The following LAPTM4B variants were observed in gnomAD, a reference collection of about 807,000 sequenced individuals.
LAPTM4B encodes lysosomal-associated transmembrane protein 4B.
A neutral mutation model predicts 28.5 loss-of-function variants in LAPTM4B; 26 were observed. That is an observed-to-expected ratio of 0.91 (90% CI 0.67 to 1.27). LAPTM4B has a LOEUF of 1.27. Ranked by LOEUF, LAPTM4B falls within the 50% of genes most tolerant of loss-of-function variation. The pLI is 0.00. For missense variants in LAPTM4B, 288 were observed against 285.8 expected (o/e 1.01, Z -0.06); for synonymous variants, 109 against 106.4 (o/e 1.02, Z -0.15).
At chr8:97,849,223 G>A (rs528779222) in intron 6 of LAPTM4B, among the ~76,000 whole-genome samples, 1 of 152,296 alleles carries the variant, frequency 6.6e-6, no homozygotes, top group Admixed American at 6.5e-5. Context: ...TGACTCCCTA[G>A]CCTAAATTGG....
At chr8:97,780,147 G>C (rs1484265627) in intron 1 of LAPTM4B, among the ~76,000 whole-genome samples, 1 of 151,874 alleles carries the variant, frequency 6.6e-6, no homozygotes, top group South Asian at 2.1e-4. Flanking sequence ...AGTCCAGGCC[G>C]GGTACGGTGG....
At chr8:97,791,341 C>T (rs1816494001) in intron 1 of LAPTM4B, among the ~76,000 whole-genome samples, 1 of 152,204 alleles carries the variant, frequency 6.6e-6, no homozygotes, top group South Asian at 2.1e-4. Context: ...TTTTCTGCCT[C>T]CACACCCTGT....
chr8:97,840,065 G>A (rs1370357467), intron 6 of LAPTM4B, among the ~76,000 whole-genome samples: 1 of 152,184 alleles, frequency 6.6e-6, no homozygotes, highest in Non-Finnish European at 1.5e-5. Context: ...AAGGAGATGT[G>A]TACAGTAGGT....
rs181716062 is a variant in LAPTM4B, at chr8:97,805,418, T to C, written c.165T>C (p.Phe55=). The C allele has an allele frequency of 4.3e-6, 7 of 1,613,392 alleles. No homozygotes were observed. In the Admixed American group the frequency reaches 1.0e-4, roughly 23 times the overall value. The change falls in exon 2 of 7, where the codon TTT becomes TTC. Residue 55 remains phenylalanine (F), a synonymous_variant. Transcript: ENST00000521545. ...SALADPDQYN[F]SSSELGGDFE... ...TGGCTGATCCGGATCAGTATAACTT[T>C]TCAAGTTCTGAACTGGGAGGTGACT...
At chr8:97,791,501 C>G (rs6991424) in intron 1 of LAPTM4B, among the ~76,000 whole-genome samples, 6 of 151,828 alleles carry the variant, frequency 4.0e-5, no homozygotes, top group Admixed American at 3.3e-4. Context: ...ACACCAGAAC[C>G]GACTGAAGTT....
intron 6 of LAPTM4B, among the ~76,000 whole-genome samples, chr8:97,846,170 C>G (rs576641711): frequency 1.3e-5 from 2 of 151,084 alleles, no homozygotes; most frequent in African/African-American, 4.9e-5. Flanking sequence ...TATCTTTTAA[C>G]GTTTTGTGAT....
intron 2 of LAPTM4B, among the ~76,000 whole-genome samples, chr8:97,808,726 TGG>T (rs1230376645): frequency 6.6e-6 from 1 of 151,612 alleles, no homozygotes; most frequent in Non-Finnish European, 1.5e-5. Context: ...CTGGGGGCGG[TGG>T]TGGGTGGATC....
At chr8:97,850,465 G>GGTGT (rs761478917) in intron 6 of LAPTM4B, among the ~76,000 whole-genome samples, 15 of 37,870 alleles carry the variant, frequency 4.0e-4, no homozygotes, top group East Asian at 2.7e-3. Context: ...GGAGAGGAGG[G>GGTGT]GTGTGTGTGT....
intron 1 of LAPTM4B, among the ~76,000 whole-genome samples, chr8:97,803,441 A>T (rs756635429): frequency 5.3e-5 from 8 of 151,210 alleles, no homozygotes; most frequent in Admixed American, 2.6e-4. Context: ...ACCATGCCCA[A>T]CTAATTTGCA....
At chr8:97,850,457 A>G (rs1817505072) in intron 6 of LAPTM4B, among the ~76,000 whole-genome samples, 1 of 38,744 alleles carries the variant, frequency 2.6e-5, no homozygotes. Flanking sequence ...GTAGAGCTGG[A>G]GAGGAGGGGT....
At chr8:97,842,806 C>T (rs1312043546) in intron 6 of LAPTM4B, among the ~76,000 whole-genome samples, 2 of 152,024 alleles carry the variant, frequency 1.3e-5, no homozygotes, top group African/African-American at 4.8e-5. Context: ...CGTGAGCCAC[C>T]GCGCCTGGCC....
chr8:97,811,156 G>T (rs1447559928), intron 2 of LAPTM4B, among the ~76,000 whole-genome samples: 1 of 152,174 alleles, frequency 6.6e-6, no homozygotes, highest in African/African-American at 2.4e-5. Flanking sequence ...TCAAATCACG[G>T]CTGGGAATGT....
At chr8:97,849,963 C>G (rs1817498249) in intron 6 of LAPTM4B, among the ~76,000 whole-genome samples, 1 of 151,900 alleles carries the variant, frequency 6.6e-6, no homozygotes, top group Non-Finnish European at 1.5e-5. Flanking sequence ...GGAACGGCTT[C>G]CCGCAGGTGA....
At chr8:97,778,702 C>T (rs1348172203) in intron 1 of LAPTM4B, among the ~76,000 whole-genome samples, 1 of 152,100 alleles carries the variant, frequency 6.6e-6, no homozygotes, top group Non-Finnish European at 1.5e-5. Flanking sequence ...ACCATTTGTC[C>T]TTTTAACTTT....
rs1563624254 is a variant in LAPTM4B at position 97,845,906 on chromosome 8, T to TCCCCTCCCCTC, written c.604-5488_604-5487insCTCCCCTCCCC. Among the ~76,000 whole-genome samples the TCCCCTCCCCTC allele has an allele frequency of 3.2e-4, 10 of 31,100 alleles. 2 individuals carry two copies. Among genetic ancestry groups the TCCCCTCCCCTC allele is most frequent in the Non-Finnish European group, 2.2e-4 (3 of 13,854 alleles). The allele number at this position is 31,100 out of a possible 152,430, so 20.4% of individuals were successfully genotyped here. A position where few individuals can be genotyped will look rare whatever the true frequency, so the allele number is the denominator to read the frequency against. ...CCCCTCCCCTCCCCTCCCCTCCCCTTCCCTTCGACAGGGTCTTGCTCTGTC... is the reference window on the plus strand; with the variant it reads ...CCCCTCCCCTCCCCTCCCCTCCCCTTCCCCTCCCCTCCCCTTCGACAGGGTCTTGCTCTGTC... On this transcript the variant is annotated intron_variant, in intron 6 of 6. Transcript: ENST00000521545.
intron 1 of LAPTM4B, among the ~76,000 whole-genome samples, chr8:97,788,691 C>T (rs1816445921): frequency 1.4e-5 from 2 of 142,574 alleles, no homozygotes; most frequent in South Asian, 2.2e-4. Context: ...GCTGCAACTT[C>T]TGACAGCCAT....
In LAPTM4B at chr8:97,838,286, C is replaced by T. The variant is rs1385512250; in HGVS notation, c.604-13111C>T. Among the ~76,000 whole-genome samples the T allele has an allele frequency of 3.9e-5, 6 of 152,310 alleles. No homozygotes were observed. In the East Asian group the frequency reaches 1.2e-3, roughly 29 times the overall value. On this transcript the variant is annotated intron_variant, in intron 6 of 6. Coordinates refer to ENST00000521545, the MANE Select transcript of LAPTM4B (RefSeq NM_018407.6). ...AGCCATCATTTGATGCCCTCATTTC[C>T]TCAACAGTGTGCCCACCAGTTCCAT...
At chr8:97,834,144 G>GAGAAAAAAAAAAAAAAAAAAAAAAAAAAA (rs1817224839) in intron 6 of LAPTM4B, among the ~76,000 whole-genome samples, 1 of 75,344 alleles carries the variant, frequency 1.3e-5, no homozygotes, top group Non-Finnish European at 3.0e-5. Context: ...TGTCTCTACA[G>GAGAAAAAAAAAAAAAAAAAAAAAAAAAAA]AAAAAAAAAA....
At chr8:97,785,523 G>A (rs946543734) in intron 1 of LAPTM4B, among the ~76,000 whole-genome samples, 3 of 152,206 alleles carry the variant, frequency 2.0e-5, no homozygotes, top group Admixed American at 6.5e-5. Flanking sequence ...CAAAATTAAT[G>A]TAAGTAGAGA....
Sources: allele counts gnomAD v4.1 joint callset (sites outside exome capture counted in the v4.1 genomes callset), GRCh38; gene constraint gnomAD v4.1.1; transcripts MANE v1.5; gene names NCBI Gene and HGNC (gene_info 2026-07-23, HGNC 2026-07-21).